Variants in CELF2 observed in about 807,000 individuals in gnomAD.
The protein encoded by CELF2 is CUG triplet repeat RNA-binding protein 2.
A neutral mutation model predicts 62.6 loss-of-function variants in CELF2; 8 were observed. The ratio of observed to expected loss-of-function variants is 0.13; its 90% confidence interval spans 0.07 to 0.23. The LOEUF is 0.23. Among genes scored for constraint, CELF2 ranks in the 10% least tolerant of loss-of-function variants. The pLI, the probability that CELF2 is intolerant of heterozygous loss-of-function variation, is 1.00. For missense variants in CELF2, 333 were observed against 671.0 expected, an observed-to-expected ratio of 0.50 and a Z score of 5.56; for synonymous variants, 258 against 250.0, an observed-to-expected ratio of 1.03 and a Z score of -0.30.
the CELF2 span, among the ~76,000 whole-genome samples, chr10:10,577,786 T>A: frequency 6.6e-6 from 1 of 152,144 alleles, no homozygotes; most frequent in Non-Finnish European, 1.5e-5. Context: ...TGGTTCCAAG[T>A]CTTTGCTATT....
intron 2 of CELF2, among the ~76,000 whole-genome samples, chr10:11,170,192 G>C (rs1371928101): frequency 6.6e-6 from 1 of 152,214 alleles, no homozygotes; most frequent in Admixed American, 6.5e-5. Context: ...GTAAGGTAGA[G>C]ATGACTCTGC....
intron 5 of CELF2, among the ~76,000 whole-genome samples, chr10:11,258,522 G>A (rs895558760): frequency 2.6e-5 from 4 of 152,128 alleles, no homozygotes; most frequent in African/African-American, 4.8e-5. Context: ...GAGCCTTGAC[G>A]ATAAGCTGGT....
At position 11,054,214 on chromosome 10, in the gene CELF2, G is replaced by A. The variant is rs1386121296; in HGVS notation, c.74+36051G>A. On this transcript the variant is annotated intron_variant, in intron 1 of 12. Transcript: ENST00000633077. The stretch of plus-strand genomic sequence containing the variant: ...ATTACTACAAAGCTGATGCCTGTTT[G>A]TATAGTGGTAATTACAGGATACACA... 2.0e-5 allele frequency among the ~76,000 whole-genome samples: 3 copies of A among 152,176 alleles called. No individual in the cohort carries two copies. In the South Asian group the frequency reaches 6.2e-4, roughly 32 times the overall value.
At chr10:10,907,811 A>G (rs1387115045) in intron 1 of CELF2, among the ~76,000 whole-genome samples, 2 of 152,230 alleles carry the variant, frequency 1.3e-5, no homozygotes, top group African/African-American at 4.8e-5. Context: ...ATGACCCACC[A>G]TGATTGAATA....
At chr10:11,209,442 C>G (rs1198033525) in intron 2 of CELF2, among the ~76,000 whole-genome samples, 1 of 151,852 alleles carries the variant, frequency 6.6e-6, no homozygotes, top group Non-Finnish European at 1.5e-5. Flanking sequence ...CATGGGTGAC[C>G]CTCCAGGATC....
intron 1 of CELF2, among the ~76,000 whole-genome samples, chr10:10,908,242 C>T (rs1446129327): frequency 1.6e-4 from 1 of 6,072 alleles, no homozygotes; most frequent in African/African-American, 9.0e-4. Flanking sequence ...TTTTTTGAAA[C>T]AGAGTCTTGC....
the CELF2 span, among the ~76,000 whole-genome samples, chr10:10,754,030 G>C: frequency 7.2e-6 from 1 of 137,992 alleles, no homozygotes; most frequent in Non-Finnish European, 1.5e-5. Flanking sequence ...CATAAATAAA[G>C]GTTGTTTGGA....
intron 2 of CELF2, among the ~76,000 whole-genome samples, chr10:10,956,068 C>T (rs1397294364): frequency 1.3e-5 from 2 of 152,196 alleles, no homozygotes; most frequent in Non-Finnish European, 2.9e-5. Flanking sequence ...AACCAAGAGT[C>T]CATTTGCCCT....
At chr10:11,175,206 A>G (rs1448796687) in intron 2 of CELF2, among the ~76,000 whole-genome samples, 1 of 152,144 alleles carries the variant, frequency 6.6e-6, no homozygotes, top group East Asian at 1.9e-4. Flanking sequence ...TTTTTGAAGG[A>G]TATCAAGGAG....
At chr10:11,025,360 G>C (rs570808305) in intron 1 of CELF2, among the ~76,000 whole-genome samples, 17 of 152,066 alleles carry the variant, frequency 1.1e-4, no homozygotes, top group Non-Finnish European at 2.5e-4. Context: ...TCAAGGGAGA[G>C]AGCAGGTGGA....
chr10:10,676,623 A>G, the CELF2 span, among the ~76,000 whole-genome samples: 8 of 152,160 alleles, frequency 5.3e-5, no homozygotes, highest in African/African-American at 1.9e-4. Context: ...CCAAGCCTCC[A>G]GTGAGTTGCC....
the CELF2 span, among the ~76,000 whole-genome samples, chr10:10,742,589 CAAAA>C: frequency 9.9e-4 from 127 of 128,078 alleles, no homozygotes; most frequent in Middle Eastern, 4.0e-3. Flanking sequence ...GACTTTGTTG[CAAAA>C]AAAAAAAAAA....
At chr10:11,229,717 G>A (rs1381922590) in intron 3 of CELF2, among the ~76,000 whole-genome samples, 1 of 151,938 alleles carries the variant, frequency 6.6e-6, no homozygotes, top group African/African-American at 2.4e-5. Context: ...AGCCTCCCAA[G>A]TAGCTGGGAT....
At chr10:10,647,092 A>G in the CELF2 span, among the ~76,000 whole-genome samples, 1 of 152,150 alleles carries the variant, frequency 6.6e-6, no homozygotes, top group Non-Finnish European at 1.5e-5. Flanking sequence ...CTGATTTCTG[A>G]GCATGATAAG....
chr10:11,015,199 T>G (rs2057078468), upstream of CELF2, among the ~76,000 whole-genome samples: 1 of 152,138 alleles, frequency 6.6e-6, no homozygotes, highest in Admixed American at 6.5e-5. The surrounding 1 kb of genome is among the most constrained non-coding windows in gnomAD (Gnocchi z 4.8). Flanking sequence ...GTTGAGTTGT[T>G]TTTAGATTTT....
At chr10:10,803,774 AACTGTTACAT>A (rs1399499791) in intron 1 of CELF2, among the ~76,000 whole-genome samples, 1 of 152,218 alleles carries the variant, frequency 6.6e-6, no homozygotes, top group Non-Finnish European at 1.5e-5. Context: ...TTGTGTATTT[AACTGTTACAT>A]ACCCAATATC....
chr10:10,633,018 A>G, the CELF2 span, among the ~76,000 whole-genome samples: 1 of 152,214 alleles, frequency 6.6e-6, no homozygotes, highest in East Asian at 1.9e-4. Context: ...ATTCCATTGT[A>G]TGAATGTCCA....
chr10:10,764,911 G>C, the CELF2 span, among the ~76,000 whole-genome samples: 1 of 152,084 alleles, frequency 6.6e-6, no homozygotes. Context: ...CCTTGGCCAG[G>C]CTCCCCAGAA....
chr10:10,504,228 A>T, the CELF2 span, among the ~76,000 whole-genome samples: 2 of 151,970 alleles, frequency 1.3e-5, no homozygotes, highest in East Asian at 3.8e-4. Context: ...CACTTAGAAA[A>T]CTTCCTTTAG....
Sources: gnomAD v4.1 joint callset for allele counts (sites outside exome capture counted in the v4.1 genomes callset) on GRCh38, gnomAD v4.1.1 for gene constraint, Gnocchi (gnomAD v3.1) non-coding constraint, MANE v1.5 for transcripts, NCBI Gene and HGNC (gene_info 2026-07-23, HGNC 2026-07-21) for gene names.